CNTNAP2: variants seen among roughly 807,000 people sequenced by gnomAD.
CNTNAP2 encodes contactin associated protein 2, also known as contactin-associated protein-like 2.
Under a neutral mutation model 155.2 loss-of-function variants are expected in CNTNAP2, and 98 were observed. That is an observed-to-expected ratio of 0.63 (90% CI 0.54 to 0.75). The LOEUF (loss-of-function observed/expected upper bound fraction) is 0.75, where lower values mean the gene tolerates loss of function less well. Among genes scored for constraint, CNTNAP2 ranks in the 30% least tolerant of loss-of-function variants. CNTNAP2 has a pLI of 0.00. For synonymous variants in CNTNAP2, 651 were observed against 631.2 expected (o/e 1.03, Z -0.47); for missense variants, 1,727 against 1,688.1 (o/e 1.02, Z -0.40).
chr7:146,200,667 G>A (rs779539506), intron 1 of CNTNAP2, among the ~76,000 whole-genome samples: 2 of 152,052 alleles, frequency 1.3e-5, no homozygotes, highest in Non-Finnish European at 2.9e-5. Context: ...GTATAGCCTA[G>A]GAGAAATAGG....
intron 21 of CNTNAP2, among the ~76,000 whole-genome samples, chr7:148,345,821 T>G (rs973321968): frequency 2.0e-5 from 3 of 152,212 alleles, no homozygotes; most frequent in African/African-American, 7.2e-5. Flanking sequence ...TGTTCTAAAC[T>G]TCCGTATTTT....
chr7:147,403,046 T>A (rs976068122), intron 10 of CNTNAP2, among the ~76,000 whole-genome samples: 2 of 152,068 alleles, frequency 1.3e-5, no homozygotes, highest in Admixed American at 6.6e-5. Flanking sequence ...TCTTTAAGTC[T>A]GATAAGAAAC....
chr7:146,430,336 T>C (rs1273191988), intron 1 of CNTNAP2, among the ~76,000 whole-genome samples: 3 of 152,052 alleles, frequency 2.0e-5, no homozygotes, highest in Admixed American at 6.6e-5. Context: ...TCTGTAACTT[T>C]GTTCAAAATA....
At chr7:147,073,599 C>T (rs1200684581) in intron 4 of CNTNAP2, among the ~76,000 whole-genome samples, 1 of 151,980 alleles carries the variant, frequency 6.6e-6, no homozygotes, top group Non-Finnish European at 1.5e-5. Context: ...GTCCTTAGAT[C>T]TAAAAATAAT....
In CNTNAP2 at chr7:146,716,213, G is replaced by GAA. The variant is rs571237905; in HGVS notation, c.98-58040_98-58039dup. On this transcript the variant is annotated intron_variant, in intron 1 of 23. Coordinates refer to ENST00000361727, the MANE Select transcript of CNTNAP2 (RefSeq NM_014141.6). ...ATTGTTAGGAAAGCTAAGTCTGCAG[G>GAA]AAAAAAAAAAAAAAAAAAAGGCATG... Among the ~76,000 whole-genome samples, 965 of 112,986 alleles carry GAA rather than the reference G, an allele frequency of 8.5e-3. 14 individuals are homozygous for GAA. Among genetic ancestry groups the GAA allele is most frequent in the African/African-American group, 0.025 (831 of 33,016 alleles). The allele number at this position is 112,986 out of a possible 152,430, so 74.1% of individuals were successfully genotyped here.
chr7:146,291,059 A>G (rs1800421084), intron 1 of CNTNAP2, among the ~76,000 whole-genome samples: 2 of 152,220 alleles, frequency 1.3e-5, no homozygotes, highest in South Asian at 4.1e-4. Flanking sequence ...TCCATTTCCT[A>G]GAATCAGTTA....
chr7:146,539,333 A>T (rs1337290651), intron 1 of CNTNAP2, among the ~76,000 whole-genome samples: 1 of 151,974 alleles, frequency 6.6e-6, no homozygotes, highest in Non-Finnish European at 1.5e-5. Context: ...GATCAGCAAA[A>T]TTTGCAAGCA....
In CNTNAP2 at chr7:147,474,845, G is replaced by A. The variant is rs114985129; in HGVS notation, c.1671-11090G>A. 6.8e-3 allele frequency among the ~76,000 whole-genome samples: 1,043 copies of A among 152,280 alleles called. 10 individuals carry two copies. Among genetic ancestry groups the A allele is most frequent in the African/African-American group, 0.023 (950 of 41,560 alleles). ...CTCTCAGTGTACTCTGCCTTATGGA[G>A]CTGAGGGCAGGGAGGGGAAAGCTGA... On this transcript the variant is annotated intron_variant, in intron 10 of 23. Transcript: ENST00000361727.
At chr7:147,253,837 C>T (rs768216595) in intron 8 of CNTNAP2, among the ~76,000 whole-genome samples, 1 of 152,176 alleles carries the variant, frequency 6.6e-6, no homozygotes, top group Non-Finnish European at 1.5e-5. Context: ...TTTCTGAGTG[C>T]ATCTTCTGTG....
intron 1 of CNTNAP2, among the ~76,000 whole-genome samples, chr7:146,374,923 A>G (rs1795285167): frequency 6.6e-6 from 1 of 152,206 alleles, no homozygotes; most frequent in African/African-American, 2.4e-5. Flanking sequence ...ATTTACGCTG[A>G]TATGCTAGTT....
chr7:146,775,779 C>T (rs1485935318), intron 2 of CNTNAP2, among the ~76,000 whole-genome samples: 1 of 151,740 alleles, frequency 6.6e-6, no homozygotes, highest in Non-Finnish European at 1.5e-5. Flanking sequence ...AAAAGCTAGC[C>T]TAGTGTATAC....
intron 13 of CNTNAP2, among the ~76,000 whole-genome samples, chr7:147,804,829 C>T (rs1030894372): frequency 6.6e-6 from 1 of 152,026 alleles, no homozygotes; most frequent in African/African-American, 2.4e-5. Context: ...GCTGGGATTA[C>T]AGGCATGAGC....
intron 15 of CNTNAP2, among the ~76,000 whole-genome samples, chr7:148,073,352 C>G (rs991176893): frequency 6.6e-6 from 1 of 152,166 alleles, no homozygotes; most frequent in African/African-American, 2.4e-5. Context: ...TACCAGAGAT[C>G]AACCAAAGTC....
chr7:148,020,656 C>G lies in CNTNAP2; in HGVS notation c.2383+42667C>G, dbSNP rs111284705. On this transcript the variant is annotated intron_variant, in intron 15 of 23. Coordinates refer to ENST00000361727, the MANE Select transcript of CNTNAP2 (RefSeq NM_014141.6). The stretch of plus-strand genomic sequence containing the variant: ...TGTCTACCCCACAGTTTCAGTAAAA[C>G]GATATTTTTTCCTGCAATATATTTA... Among the ~76,000 whole-genome samples the G allele has an allele frequency of 3.9e-3, 591 of 152,242 alleles. 4 individuals carry two copies. The highest frequency in any genetic ancestry group is 0.014 in the African/African-American group (581 of 41,546).
intron 10 of CNTNAP2, among the ~76,000 whole-genome samples, chr7:147,469,442 G>A (rs930277452): frequency 2.0e-5 from 3 of 150,542 alleles, no homozygotes; most frequent in African/African-American, 7.3e-5. Flanking sequence ...TGCCTTCACT[G>A]CATTTTAGCA....
intron 5 of CNTNAP2, among the ~76,000 whole-genome samples, chr7:147,118,500 C>T (rs536588899): frequency 5.3e-5 from 8 of 152,114 alleles, no homozygotes; most frequent in Admixed American, 3.3e-4. Context: ...ATCAATCTAT[C>T]GATCTAATTA....
intron 1 of CNTNAP2, among the ~76,000 whole-genome samples, chr7:146,582,403 G>A (rs1013892901): frequency 2.2e-4 from 33 of 151,958 alleles, no homozygotes; most frequent in African/African-American, 7.3e-4. Flanking sequence ...ATTCACTTTG[G>A]GCAGCCTTAG....
At chr7:147,888,948 T>A (rs1030413882) in intron 13 of CNTNAP2, among the ~76,000 whole-genome samples, 1 of 152,010 alleles carries the variant, frequency 6.6e-6, no homozygotes, top group Admixed American at 6.5e-5. Context: ...TATTGAGCAA[T>A]AAACTTTAAT....
intron 3 of CNTNAP2, among the ~76,000 whole-genome samples, chr7:146,985,654 T>C (rs1296057916): frequency 6.6e-6 from 1 of 152,152 alleles, no homozygotes; most frequent in East Asian, 1.9e-4. Context: ...AGCTAATTAA[T>C]GAGAAAATTC....
Sources: allele counts gnomAD v4.1 joint callset (sites outside exome capture counted in the v4.1 genomes callset), GRCh38; gene constraint gnomAD v4.1.1; transcripts MANE v1.5; gene names NCBI Gene and HGNC (gene_info 2026-07-23, HGNC 2026-07-21).